The following NSMAF variants were observed in gnomAD, a reference collection of about 807,000 sequenced individuals.
The protein encoded by NSMAF is neutral sphingomyelinase activation associated factor, also known as protein FAN.
In NSMAF, 90 loss-of-function variants were observed where a neutral mutation model predicts 134.9. That is an observed-to-expected ratio of 0.67 (90% CI 0.56 to 0.79). The LOEUF (loss-of-function observed/expected upper bound fraction) is 0.79, where lower values mean the gene tolerates loss of function less well. Among genes scored for constraint, NSMAF ranks in the 30% least tolerant of loss-of-function variants. The probability of loss-of-function intolerance (pLI) is 0.00; values close to 1 mark genes in which losing one functional copy is unlikely to be tolerated. For synonymous variants in NSMAF, 358 were observed against 389.6 expected, an observed-to-expected ratio of 0.92 and a Z score of 0.96; for missense variants, 1,010 against 1,119.0, an observed-to-expected ratio of 0.90 and a Z score of 1.39.
Position 58,619,786 on chromosome 8 carries a change from TAGAG to T in NSMAF, c.557+3430_557+3433del, listed in dbSNP as rs929225671. 1.1e-4 allele frequency among the ~76,000 whole-genome samples: 17 copies of T among 152,224 alleles called. 1 individual carries two copies. Among genetic ancestry groups the T allele is most frequent in the African/African-American group, 3.9e-4 (16 of 41,550 alleles). On this transcript the variant is annotated intron_variant, in intron 9 of 30. Coordinates refer to ENST00000038176, the MANE Select transcript of NSMAF (RefSeq NM_003580.4). Reference sequence around the variant, plus strand: ...ATATATTAAAGGGGACCTAAATAAATAGAGAGAAGACTATAGATTCACTGCAATT... The same window carrying T: ...ATATATTAAAGGGGACCTAAATAAATAGAAGACTATAGATTCACTGCAATT...
chr8:58,587,076 C>A (rs2129138783), intron 27 of NSMAF, among the ~76,000 whole-genome samples: 2 of 152,328 alleles, frequency 1.3e-5, no homozygotes, highest in South Asian at 4.1e-4. Flanking sequence ...GGAAATTAGG[C>A]ATCAGTTCAC....
In NSMAF at chr8:58,583,757, A is replaced by G; in HGVS notation, c.*349T>C. Reference sequence around the variant, plus strand: ...GAGAATACTGCACATTTTCTTGGAAAATTTCTTAATTGTTCAGTGCTTTCT... The same window carrying G: ...GAGAATACTGCACATTTTCTTGGAAGATTTCTTAATTGTTCAGTGCTTTCT... On this transcript the variant is annotated 3_prime_UTR_variant, in exon 31 of 31. Coordinates refer to ENST00000038176, the MANE Select transcript of NSMAF (RefSeq NM_003580.4). 3.8e-6 allele frequency: 1 copy of G among 264,996 alleles called. No homozygotes were observed. The highest frequency in any genetic ancestry group is 7.3e-6 in the Non-Finnish European group (1 of 137,484). 16.4% of individuals were successfully genotyped at this position (264,996 alleles called of 1,614,324 possible).
intron 6 of NSMAF, among the ~76,000 whole-genome samples, chr8:58,629,477 T>C (rs995022923): frequency 1.3e-5 from 2 of 152,206 alleles, no homozygotes; most frequent in Non-Finnish European, 2.9e-5. Context: ...TTTATGACAA[T>C]AGTTTTGAAT....
At chr8:58,584,523 A>G (rs112436112) in intron 30 of NSMAF, among the ~76,000 whole-genome samples, 21 of 152,328 alleles carry the variant, frequency 1.4e-4, no homozygotes, top group African/African-American at 4.6e-4. Flanking sequence ...AAGTTGGGAG[A>G]CAGATGTGAA....
intron 1 of NSMAF, among the ~76,000 whole-genome samples, chr8:58,648,196 A>T (rs1335985218): frequency 6.6e-6 from 1 of 152,064 alleles, no homozygotes; most frequent in Non-Finnish European, 1.5e-5. Context: ...GGAAGGTTGA[A>T]CTTAAGAGTA....
chr8:58,626,673 T>A (rs73250349), intron 6 of NSMAF, among the ~76,000 whole-genome samples: 7,316 of 152,318 alleles, frequency 0.048, 409 homozygotes, highest in African/African-American at 0.14. Context: ...TAACTATGTG[T>A]GTGCATGTGT....
chr8:58,606,050 A>C lies in NSMAF; in HGVS notation c.760-15T>G. 1 of 1,559,598 alleles carries C rather than the reference A, an allele frequency of 6.4e-7. No individual in the cohort carries two copies. On this transcript the variant is annotated splice_polypyrimidine_tract_variant and intron_variant, in intron 11 of 30. Coordinates refer to ENST00000038176, the MANE Select transcript of NSMAF (RefSeq NM_003580.4). The stretch of plus-strand genomic sequence containing the variant: ...ACTTCCAAGCCCTATAAATTCAAAA[A>C]GAAAATAATAAAATAAATAGCATTG...
intron 1 of NSMAF, among the ~76,000 whole-genome samples, chr8:58,646,923 A>G (rs1290050645): frequency 6.6e-6 from 1 of 152,184 alleles, no homozygotes; most frequent in Non-Finnish European, 1.5e-5. Flanking sequence ...GAGCAACTCA[A>G]CATTCCTAAA....
intron 2 of NSMAF, among the ~76,000 whole-genome samples, chr8:58,642,201 T>A (rs1416010417): frequency 6.6e-6 from 1 of 152,154 alleles, no homozygotes; most frequent in Non-Finnish European, 1.5e-5. Flanking sequence ...TGAAGAATAA[T>A]AAAAATAAGT....
At chr8:58,590,120 A>G in intron 24 of NSMAF, 46 bp from the exon 25 acceptor site, 1 of 1,498,260 alleles carries the variant, frequency 6.7e-7, no homozygotes, top group Non-Finnish European at 9.3e-7. Flanking sequence ...ATAATTAGTA[A>G]GTCTCTAACA....
chr8:58,629,853 A>T (rs1169300767), intron 6 of NSMAF, among the ~76,000 whole-genome samples: 4 of 152,128 alleles, frequency 2.6e-5, no homozygotes, highest in South Asian at 4.1e-4. Context: ...TCGTGTCTAG[A>T]TGTCTGCTGT....
chr8:58,595,427 G>A, intron 22 of NSMAF, 133 bp downstream of exon 22: 1 of 630,520 alleles, frequency 1.6e-6, no homozygotes, highest in Non-Finnish European at 2.8e-6. Context: ...ATTTTGGGGA[G>A]ATTTTTAAAA....
At chr8:58,642,384 C>T (rs1190097304) in intron 2 of NSMAF, among the ~76,000 whole-genome samples, 2 of 152,146 alleles carry the variant, frequency 1.3e-5, no homozygotes, top group Admixed American at 1.3e-4. Context: ...CTGTACATAG[C>T]TTTCAAAAGG....
intron 9 of NSMAF, among the ~76,000 whole-genome samples, chr8:58,619,004 C>T (rs1192261206): frequency 6.6e-6 from 1 of 152,100 alleles, no homozygotes; most frequent in African/African-American, 2.4e-5. Flanking sequence ...GAATGTCATG[C>T]TGAAGCCCAG....
intron 7 of NSMAF, 87 bp downstream of exon 7, chr8:58,623,622 G>C (rs1806843356): frequency 2.5e-6 from 3 of 1,202,458 alleles, no homozygotes; most frequent in Non-Finnish European, 3.6e-6. Context: ...AACAGATGAT[G>C]ATTTGGGTAA....
At chr8:58,652,197 G>A (rs1185867549) in intron 1 of NSMAF, among the ~76,000 whole-genome samples, 3 of 152,146 alleles carry the variant, frequency 2.0e-5, no homozygotes, top group African/African-American at 7.2e-5. Flanking sequence ...AAAAACTACA[G>A]AGAGGAGATC....
chr8:58,632,880 C>T (rs1807087425), intron 5 of NSMAF, among the ~76,000 whole-genome samples: 1 of 152,224 alleles, frequency 6.6e-6, no homozygotes, highest in Non-Finnish European at 1.5e-5. Flanking sequence ...CTGTCTATCT[C>T]ATTGGAGTCA....
chr8:58,592,405 T>C (rs1806039112), intron 23 of NSMAF, among the ~76,000 whole-genome samples: 1 of 152,172 alleles, frequency 6.6e-6, no homozygotes, highest in Non-Finnish European at 1.5e-5. Flanking sequence ...TGTTAAAGAC[T>C]GCAGTAAAAG....
At chr8:58,586,758 C>T in intron 27 of NSMAF, 150 bp from the exon 28 acceptor site, 1 of 571,878 alleles carries the variant, frequency 1.7e-6, no homozygotes, top group African/African-American at 1.9e-5. Context: ...TGTATTTCAA[C>T]ATCATCCTAC....
Sources: gnomAD v4.1 joint callset for allele counts (sites outside exome capture counted in the v4.1 genomes callset) on GRCh38, gnomAD v4.1.1 for gene constraint, MANE v1.5 for transcripts, NCBI Gene and HGNC (gene_info 2026-07-23, HGNC 2026-07-21) for gene names.